The following TMEM135 variants were observed in gnomAD, a reference collection of about 807,000 sequenced individuals.
TMEM135 encodes the protein transmembrane protein 135, also known as peroxisomal membrane protein 52.
In TMEM135, 30 loss-of-function variants were observed where a neutral mutation model predicts 60.3. That is an observed-to-expected ratio of 0.50 (90% CI 0.37 to 0.68). The LOEUF (loss-of-function observed/expected upper bound fraction) is 0.68, where lower values mean the gene tolerates loss of function less well. Among genes scored for constraint, TMEM135 ranks in the 30% least tolerant of loss-of-function variants. The probability of loss-of-function intolerance (pLI) is 0.00; values close to 1 mark genes in which losing one functional copy is unlikely to be tolerated. For missense variants in TMEM135, 468 were observed against 548.8 expected (o/e 0.85, Z 1.47); for synonymous variants, 190 against 186.7 (o/e 1.02, Z -0.14).
intron 4 of TMEM135, among the ~76,000 whole-genome samples, chr11:87,107,410 C>T (rs55709247): frequency 0.055 from 8,257 of 150,010 alleles, 762 homozygotes; most frequent in African/African-American, 0.19. Context: ...GCTATCCATC[C>T]CCCCTCCCCC....
At chr11:87,229,347 G>A (rs1288284576) in intron 5 of TMEM135, among the ~76,000 whole-genome samples, 1 of 152,000 alleles carries the variant, frequency 6.6e-6, no homozygotes, top group Admixed American at 6.6e-5. Context: ...CAAACAAAAG[G>A]ATTATAAACC....
intron 4 of TMEM135, among the ~76,000 whole-genome samples, chr11:87,114,699 A>G (rs1211280507): frequency 6.6e-6 from 1 of 152,188 alleles, no homozygotes; most frequent in Non-Finnish European, 1.5e-5. Context: ...GGAAAAATGG[A>G]CTACATTATA....
intron 5 of TMEM135, among the ~76,000 whole-genome samples, chr11:87,163,171 A>T (rs928848413): frequency 7.1e-6 from 1 of 140,258 alleles, no homozygotes. Flanking sequence ...ATATCTCCCA[A>T]TGCTATCCCT....
At chr11:87,115,350 A>G (rs1460361588) in intron 4 of TMEM135, among the ~76,000 whole-genome samples, 1 of 152,150 alleles carries the variant, frequency 6.6e-6, no homozygotes, top group African/African-American at 2.4e-5. Flanking sequence ...GACTGTAGCA[A>G]ATTTAATCTT....
chr11:87,166,537 C>T (rs1404203566), intron 5 of TMEM135, among the ~76,000 whole-genome samples: 1 of 151,686 alleles, frequency 6.6e-6, no homozygotes, highest in Non-Finnish European at 1.5e-5. Context: ...AGCCAGTTTT[C>T]CCAACACCAT....
At chr11:87,283,860 A>T (rs1942114085) in intron 6 of TMEM135, among the ~76,000 whole-genome samples, 1 of 152,250 alleles carries the variant, frequency 6.6e-6, no homozygotes, top group Non-Finnish European at 1.5e-5. Flanking sequence ...TCCATCTCAA[A>T]AAATAAAAAA....
Position 87,175,865 on chromosome 11 carries a change from T to C in TMEM135, c.462+18459T>C, listed in dbSNP as rs368330722. ...TTAAGAAACAAAGATTTTAGATATA[T>C]AGAAAATGTTTCTTTGTAGAAACAT... On this transcript the variant is annotated intron_variant, in intron 5 of 14. Transcript: ENST00000305494. Among the ~76,000 whole-genome samples the C allele has an allele frequency of 2.0e-5, 3 of 152,244 alleles. No individual in the cohort carries two copies. In the South Asian group the frequency reaches 6.2e-4, roughly 32 times the overall value.
At chr11:87,259,125 A>G in intron 6 of TMEM135, 2 of 769,596 alleles carry the variant, frequency 2.6e-6, no homozygotes, top group Non-Finnish European at 4.6e-6. Flanking sequence ...CATCTCCATC[A>G]GGCCCCATAG....
chr11:87,075,728 T>C (rs1208795982), intron 3 of TMEM135, among the ~76,000 whole-genome samples: 1 of 152,208 alleles, frequency 6.6e-6, no homozygotes, highest in Non-Finnish European at 1.5e-5. Flanking sequence ...AATTGGTGAA[T>C]TGGTTCAACA....
intron 4 of TMEM135, among the ~76,000 whole-genome samples, chr11:87,109,797 C>T (rs1857696200): frequency 1.3e-5 from 1 of 79,604 alleles, no homozygotes. Context: ...CTTTTGCTAA[C>T]ATACTTTGAA....
intron 6 of TMEM135, among the ~76,000 whole-genome samples, chr11:87,284,749 T>G (rs1156282137): frequency 6.6e-6 from 1 of 152,226 alleles, no homozygotes; most frequent in East Asian, 1.9e-4. Context: ...AATGTGTTCA[T>G]AAAGGAAACA....
At chr11:87,213,600 T>C (rs1431489360) in intron 5 of TMEM135, among the ~76,000 whole-genome samples, 3 of 152,208 alleles carry the variant, frequency 2.0e-5, no homozygotes, top group Non-Finnish European at 4.4e-5. Flanking sequence ...GGTTTCTGTT[T>C]TGTTCTTCCA....
At chr11:87,163,724 G>A (rs1010475564) in intron 5 of TMEM135, among the ~76,000 whole-genome samples, 1 of 148,334 alleles carries the variant, frequency 6.7e-6, no homozygotes, top group African/African-American at 2.5e-5. Flanking sequence ...TTTAATGATT[G>A]CCATTCTAAC....
In TMEM135 at chr11:87,322,798, C is replaced by T. The variant is rs1297054532; in HGVS notation, c.*1465C>T. 2 of 454,336 alleles carry T rather than the reference C, an allele frequency of 4.4e-6. No homozygotes were observed. The highest frequency in any genetic ancestry group is 3.1e-5 in the South Asian group (2 of 64,474). The allele number at this position is 454,336 out of a possible 1,614,324, so 28.1% of individuals were successfully genotyped here. ...AACAGAAACCCAACAAAAAGACAGA[C>T]TCTGGTACTATGGTAACAGAGCCAC... On this transcript the variant is annotated 3_prime_UTR_variant, in exon 15 of 15. Coordinates refer to ENST00000305494, the MANE Select transcript of TMEM135 (RefSeq NM_022918.4).
chr11:87,062,028 C>T lies in TMEM135; in HGVS notation c.142-5666C>T, dbSNP rs180800686. ...TCTGGGTACTTTTTTTTTCTTGAGA[C>T]AAAGTCTCACTCTGTTGCCTAGGCT... On this transcript the variant is annotated intron_variant, in intron 1 of 14. Coordinates refer to ENST00000305494, the MANE Select transcript of TMEM135 (RefSeq NM_022918.4). Among the ~76,000 whole-genome samples, 24 of 152,100 alleles carry T rather than the reference C, an allele frequency of 1.6e-4. 1 individual carries two copies. In the East Asian group the frequency reaches 4.5e-3, roughly 28 times the overall value.
chr11:87,140,205 C>G (rs1433690617), intron 4 of TMEM135, among the ~76,000 whole-genome samples: 3 of 151,894 alleles, frequency 2.0e-5, no homozygotes, highest in Non-Finnish European at 4.4e-5. Context: ...GTAGCTGGGA[C>G]TACAGGTGCA....
rs1206924545 is a variant in TMEM135, at chr11:87,323,800, C to G, written c.*2467C>G. 1 of 453,724 alleles carries G rather than the reference C, an allele frequency of 2.2e-6. No homozygotes were observed. The highest frequency in any genetic ancestry group is 4.4e-6 in the Non-Finnish European group (1 of 226,724). 28.1% of individuals were successfully genotyped at this position (453,724 alleles called of 1,614,324 possible). ...TATTCAATTCTCAGCAGTTTTTCAT[C>G]AAATAATTTCAGGATCCATTTTATT... On this transcript the variant is annotated 3_prime_UTR_variant, in exon 15 of 15. Coordinates refer to ENST00000305494, the MANE Select transcript of TMEM135 (RefSeq NM_022918.4).
At chr11:87,251,765 G>C (rs1482367064) in intron 6 of TMEM135, among the ~76,000 whole-genome samples, 1 of 152,142 alleles carries the variant, frequency 6.6e-6, no homozygotes. Context: ...AAAAAACACT[G>C]AACTAAAACG....
At chr11:87,215,446 T>C (rs893307477) in intron 5 of TMEM135, among the ~76,000 whole-genome samples, 11 of 152,202 alleles carry the variant, frequency 7.2e-5, no homozygotes, top group Admixed American at 3.3e-4. Context: ...TTTGGGACCT[T>C]GACTGGGGCT....
Sources: allele counts gnomAD v4.1 joint callset (sites outside exome capture counted in the v4.1 genomes callset), GRCh38; gene constraint gnomAD v4.1.1; transcripts MANE v1.5; gene names NCBI Gene and HGNC (gene_info 2026-07-23, HGNC 2026-07-21).